DTD1: variants seen among roughly 807,000 people sequenced by gnomAD.
DTD1 encodes D-tyrosyl-tRNA deacylase 1 homolog.
In DTD1, 13 loss-of-function variants were observed where a neutral mutation model predicts 25.6. The observed-to-expected ratio is 0.51, with a 90% CI of 0.33 to 0.81. DTD1 has a LOEUF of 0.81. DTD1 is among the 30% of genes least tolerant of loss of function. The pLI is 0.02. For missense variants in DTD1, 193 were observed against 266.4 expected (o/e 0.72, Z 1.92); for synonymous variants, 110 against 103.6 (o/e 1.06, Z -0.37).
At chr20:18,723,816 T>A (rs2061214065) in intron 4 of DTD1, among the ~76,000 whole-genome samples, 1 of 152,218 alleles carries the variant, frequency 6.6e-6, no homozygotes, top group Non-Finnish European at 1.5e-5. Context: ...GCTACAGGTA[T>A]CAAAAGATAA....
chr20:18,661,585 A>G (rs911840390), intron 4 of DTD1, among the ~76,000 whole-genome samples: 14 of 151,966 alleles, frequency 9.2e-5, no homozygotes, highest in Non-Finnish European at 1.3e-4. Context: ...GTTAGCCAGG[A>G]TGGTTTTGAT....
chr20:18,711,447 C>G (rs2061158213), intron 4 of DTD1, among the ~76,000 whole-genome samples: 1 of 152,156 alleles, frequency 6.6e-6, no homozygotes, highest in African/African-American at 2.4e-5. Flanking sequence ...GCTTACCTGG[C>G]TTGTTGTTTC....
intron 4 of DTD1, among the ~76,000 whole-genome samples, chr20:18,657,172 T>C (rs2060894234): frequency 2.6e-5 from 4 of 152,234 alleles, no homozygotes; most frequent in Admixed American, 2.6e-4. Context: ...CCATCACCTA[T>C]GTGTGGTCTT....
chr20:18,756,487 T>C, intron 5 of DTD1, among the ~76,000 whole-genome samples: 1 of 152,246 alleles, frequency 6.6e-6, no homozygotes, highest in Non-Finnish European at 1.5e-5. Context: ...TTTCTACATA[T>C]GGCTAGCCAG....
intron 4 of DTD1, among the ~76,000 whole-genome samples, chr20:18,733,362 G>C (rs1223369435): frequency 6.6e-6 from 1 of 152,242 alleles, no homozygotes; most frequent in East Asian, 1.9e-4. Flanking sequence ...AGGAGGCTGT[G>C]GATTTGCAGG....
chr20:18,708,263 T>TATATA lies in DTD1; in HGVS notation c.478-35837_478-35836insATATA, dbSNP rs1568676838. ...ATATATAATATATATTATATATATATTTTATATATATATAATATATATTAT... is the reference window on the plus strand; with the variant it reads ...ATATATAATATATATTATATATATATATATATTTATATATATATAATATATATTAT... On this transcript the variant is annotated intron_variant, in intron 4 of 5. Transcript: ENST00000377452. 1.7e-4 allele frequency among the ~76,000 whole-genome samples: 4 copies of TATATA among 24,032 alleles called. 1 individual carries two copies. Among genetic ancestry groups the TATATA allele is most frequent in the East Asian group, 1.3e-3 (1 of 798 alleles). The allele number at this position is 24,032 out of a possible 152,430, so 15.8% of individuals were successfully genotyped here.
At chr20:18,651,889 G>T (rs985852089) in intron 4 of DTD1, among the ~76,000 whole-genome samples, 2 of 152,204 alleles carry the variant, frequency 1.3e-5, no homozygotes, top group South Asian at 4.1e-4. Context: ...AGGGATGGAG[G>T]TAGATCTGGG....
chr20:18,724,462 G>A (rs945165627), intron 4 of DTD1, among the ~76,000 whole-genome samples: 4 of 152,134 alleles, frequency 2.6e-5, no homozygotes, highest in Admixed American at 6.5e-5. Context: ...CAAGACCTCA[G>A]TTCTTCTATC....
At chr20:18,663,120 C>T (rs1181323216) in intron 4 of DTD1, among the ~76,000 whole-genome samples, 2 of 152,056 alleles carry the variant, frequency 1.3e-5, no homozygotes, top group African/African-American at 4.8e-5. Context: ...AATGGCTTTT[C>T]CTTTGAAAAG....
At chr20:18,754,606 T>C (rs1312463550) in intron 5 of DTD1, among the ~76,000 whole-genome samples, 1 of 152,224 alleles carries the variant, frequency 6.6e-6, no homozygotes, top group African/African-American at 2.4e-5. Context: ...GGACTTCTGC[T>C]CAGCACTTCT....
At chr20:18,733,733 G>T (rs1460839832) in intron 4 of DTD1, among the ~76,000 whole-genome samples, 1 of 152,162 alleles carries the variant, frequency 6.6e-6, no homozygotes, top group Non-Finnish European at 1.5e-5. Flanking sequence ...AAATTAGCTT[G>T]CATGATTTCA....
chr20:18,713,056 A>AG (rs1253732757), intron 4 of DTD1, among the ~76,000 whole-genome samples: 1 of 152,250 alleles, frequency 6.6e-6, no homozygotes, highest in Non-Finnish European at 1.5e-5. Flanking sequence ...CTTGGCCAGA[A>AG]GGGGCTGCTG....
At chr20:18,637,140 C>T (rs942247419) in intron 4 of DTD1, among the ~76,000 whole-genome samples, 9 of 152,224 alleles carry the variant, frequency 5.9e-5, no homozygotes, top group Non-Finnish European at 8.8e-5. Flanking sequence ...GCCCTCCCTT[C>T]CTCACCCCCA....
At chr20:18,677,882 A>G (rs1400512456) in intron 4 of DTD1, among the ~76,000 whole-genome samples, 2 of 152,250 alleles carry the variant, frequency 1.3e-5, no homozygotes, top group Non-Finnish European at 2.9e-5. Flanking sequence ...TTCTTTTTAA[A>G]AATTAAACCT....
At chr20:18,684,478 G>A (rs751473936) in intron 4 of DTD1, among the ~76,000 whole-genome samples, 1 of 151,996 alleles carries the variant, frequency 6.6e-6, no homozygotes, top group African/African-American at 2.4e-5. Context: ...GAAGAGATGG[G>A]GTTTCATCGT....
At chr20:18,743,690 A>G (rs1433882085) in intron 4 of DTD1, among the ~76,000 whole-genome samples, 2 of 45,300 alleles carry the variant, frequency 4.4e-5, no homozygotes, top group East Asian at 2.2e-3. Flanking sequence ...AAAAAAAAAA[A>G]AAAGAAAAGA....
intron 4 of DTD1, among the ~76,000 whole-genome samples, chr20:18,668,540 G>T (rs190491458): frequency 6.6e-6 from 1 of 152,122 alleles, no homozygotes; most frequent in Non-Finnish European, 1.5e-5. Flanking sequence ...CTCTGTTGTC[G>T]GTGAAGTTAG....
At chr20:18,638,236 C>T (rs1019120005) in intron 4 of DTD1, among the ~76,000 whole-genome samples, 2 of 151,522 alleles carry the variant, frequency 1.3e-5, no homozygotes, top group Non-Finnish European at 2.9e-5. Context: ...CTCACCTGTC[C>T]ACTACCTACT....
chr20:18,593,801 G>A lies in DTD1; in HGVS notation c.114G>A (p.Thr38=), dbSNP rs35862400. The change falls in exon 2 of 6, where the codon ACG becomes ACA. Residue 38 remains threonine, a synonymous_variant. Transcript: ENST00000377452. Reference sequence around the variant, plus strand: ...TGCTGGGTATTTCCCTGGAGGATACGCAGAAGGAACTGGAACACATGTAAG... The same window carrying A: ...TGCTGGGTATTTCCCTGGAGGATACACAGAAGGAACTGGAACACATGTAAG... ...CVLLGISLED[T]QKELEHMVRK... The A allele has an allele frequency of 9.0e-4, 1,446 of 1,613,666 alleles. 14 individuals are homozygous for A. In the African/African-American group the frequency reaches 0.016, roughly 18 times the overall value.
Sources: allele counts gnomAD v4.1 joint callset (sites outside exome capture counted in the v4.1 genomes callset), GRCh38; gene constraint gnomAD v4.1.1; transcripts MANE v1.5; gene names NCBI Gene and HGNC (gene_info 2026-07-23, HGNC 2026-07-21).